Variants in TNNI3K observed in about 807,000 individuals in gnomAD.
TNNI3K encodes TNNI3 interacting kinase.
A neutral mutation model predicts 114.5 loss-of-function variants in TNNI3K; 140 were observed. That is an observed-to-expected ratio of 1.22 (90% CI 1.07 to 1.41). The LOEUF is 1.41. Among genes scored for constraint, TNNI3K ranks in the 40% most tolerant of loss-of-function variants. TNNI3K has a pLI of 0.00. For missense variants in TNNI3K, 1,125 were observed against 1,007.6 expected, an observed-to-expected ratio of 1.12 and a Z score of -1.58; for synonymous variants, 347 against 347.5, an observed-to-expected ratio of 1.00 and a Z score of 0.02.
intron 4 of TNNI3K, among the ~76,000 whole-genome samples, chr1:74,256,283 CTTT>C (rs61636791): frequency 0.012 from 490 of 42,582 alleles, no homozygotes; most frequent in African/African-American, 0.018. Context: ...TGTGGTCAGT[CTTT>C]TTTTTTTTTT....
At chr1:74,383,234 A>G (rs1389807034) in intron 17 of TNNI3K, among the ~76,000 whole-genome samples, 3 of 151,878 alleles carry the variant, frequency 2.0e-5, no homozygotes, top group Admixed American at 1.3e-4. Flanking sequence ...AATATGAGTG[A>G]GGCTAAAGAG....
chr1:74,309,164 C>G (rs889326086), intron 5 of TNNI3K, among the ~76,000 whole-genome samples: 2 of 150,606 alleles, frequency 1.3e-5, no homozygotes, highest in African/African-American at 2.4e-5. Context: ...GTCAGGAGAT[C>G]GAGACCATCC....
At chr1:74,331,383 G>A in intron 5 of TNNI3K, 67 bp from the exon 6 acceptor site, 2 of 1,518,788 alleles carry the variant, frequency 1.3e-6, no homozygotes, top group Middle Eastern at 1.7e-4. Flanking sequence ...CATGGTGGTT[G>A]TAAACTGAAT....
intron 5 of TNNI3K, among the ~76,000 whole-genome samples, chr1:74,276,480 C>A (rs935192959): frequency 3.3e-5 from 5 of 152,110 alleles, no homozygotes; most frequent in Non-Finnish European, 7.4e-5. Context: ...GTTAAAGGAT[C>A]CCAGGTATCA....
chr1:74,485,898 T>C lies in TNNI3K; in HGVS notation c.2122-3291T>C, dbSNP rs781059021. ...TCAGTACTGCCAACAACCAATGCGC[T>C]TAAAAGAGGCCTTGAGCCTCAGATG... On this transcript the variant is annotated intron_variant, in intron 21 of 24. Transcript: ENST00000326637. Among the ~76,000 whole-genome samples, 7 of 152,204 alleles carry C rather than the reference T, an allele frequency of 4.6e-5. No individual in the cohort carries two copies. The South Asian group carries it at 1.2e-3, about 27-fold the overall frequency.
At chr1:74,340,150 T>C (rs1401106727) in intron 7 of TNNI3K, among the ~76,000 whole-genome samples, 1 of 152,108 alleles carries the variant, frequency 6.6e-6, no homozygotes, top group Non-Finnish European at 1.5e-5. Context: ...GAAAATTTTA[T>C]TTTATTTTTA....
intron 11 of TNNI3K, among the ~76,000 whole-genome samples, chr1:74,362,397 G>A (rs1662015641): frequency 6.6e-6 from 1 of 152,080 alleles, no homozygotes; most frequent in South Asian, 2.1e-4. Flanking sequence ...AAATCTCCAT[G>A]TTCTCTATAC....
intron 23 of TNNI3K, among the ~76,000 whole-genome samples, chr1:74,523,131 C>T (rs1646456953): frequency 6.6e-6 from 1 of 152,168 alleles, no homozygotes; most frequent in Non-Finnish European, 1.5e-5. Context: ...AGGCAAGTTG[C>T]CTGACCAATT....
chr1:74,336,255 G>C, intron 7 of TNNI3K, 106 bp downstream of exon 7: 1 of 1,367,786 alleles, frequency 7.3e-7, no homozygotes, highest in South Asian at 1.6e-5. Context: ...TAATCCTGTA[G>C]TCATGTACTT....
At chr1:74,376,818 A>AC (rs1271817114) in intron 17 of TNNI3K, 1 of 148,494 alleles carries the variant, frequency 6.7e-6, no homozygotes, top group African/African-American at 2.6e-5. Flanking sequence ...GGGGGCCTTC[A>AC]TTAAAAAAAA....
At chr1:74,472,549 T>C (rs1464285781) in intron 21 of TNNI3K, among the ~76,000 whole-genome samples, 1 of 152,118 alleles carries the variant, frequency 6.6e-6, no homozygotes, top group Non-Finnish European at 1.5e-5. Context: ...AGTAATTTTT[T>C]CCTGAATTCA....
intron 5 of TNNI3K, among the ~76,000 whole-genome samples, chr1:74,325,460 C>G (rs1156899809): frequency 6.6e-6 from 1 of 152,104 alleles, no homozygotes. Flanking sequence ...TGGGAAGAGG[C>G]AGAGAATTAG....
intron 20 of TNNI3K, among the ~76,000 whole-genome samples, chr1:74,462,892 C>A (rs1167433322): frequency 6.6e-6 from 1 of 152,158 alleles, no homozygotes; most frequent in Admixed American, 6.5e-5. Context: ...AAGTGTCCAA[C>A]AGAGTTTTAA....
At chr1:74,452,897 T>G (rs1340264185) in intron 20 of TNNI3K, among the ~76,000 whole-genome samples, 1 of 152,152 alleles carries the variant, frequency 6.6e-6, no homozygotes, top group Non-Finnish European at 1.5e-5. Flanking sequence ...CACATTAGTC[T>G]CTTTGTCAGA....
At chr1:74,525,655 T>A (rs1278369344) in intron 23 of TNNI3K, among the ~76,000 whole-genome samples, 2 of 152,204 alleles carry the variant, frequency 1.3e-5, no homozygotes, top group Non-Finnish European at 2.9e-5. Context: ...GCTTCTGGTG[T>A]GCCACATATC....
intron 17 of TNNI3K, chr1:74,372,755 G>C (rs557449101): frequency 6.6e-6 from 1 of 151,838 alleles, no homozygotes; most frequent in East Asian, 1.9e-4. Flanking sequence ...CATTTGTGGG[G>C]CCATTATATA....
intron 17 of TNNI3K, among the ~76,000 whole-genome samples, chr1:74,419,525 T>C (rs1665293332): frequency 1.3e-5 from 2 of 152,040 alleles, no homozygotes; most frequent in Admixed American, 1.3e-4. Flanking sequence ...CTATTGTGTA[T>C]TGAGTGCCTA....
intron 20 of TNNI3K, among the ~76,000 whole-genome samples, chr1:74,462,573 A>T (rs1288644754): frequency 1.3e-5 from 2 of 152,230 alleles, no homozygotes; most frequent in Non-Finnish European, 2.9e-5. Context: ...AGCTCCACAC[A>T]TAACAACAAC....
chr1:74,339,614 T>G lies in TNNI3K; in HGVS notation c.683-3228T>G, dbSNP rs149021787. 3.3e-3 allele frequency among the ~76,000 whole-genome samples: 500 copies of G among 152,218 alleles called. 25 individuals are homozygous for G. The East Asian group carries it at 0.082, about 25-fold the overall frequency. On this transcript the variant is annotated intron_variant, in intron 7 of 24. Transcript: ENST00000326637. ...GTCACAAATGAAAATAAATTCAGGT[T>G]GCAAAATTACCCAAAATGTAATTCT... is the stretch of plus-strand genomic sequence containing the variant.
Sources: gnomAD v4.1 joint callset for allele counts (sites outside exome capture counted in the v4.1 genomes callset) on GRCh38, gnomAD v4.1.1 for gene constraint, MANE v1.5 for transcripts, NCBI Gene and HGNC (gene_info 2026-07-23, HGNC 2026-07-21) for gene names.